Variants in STPG2 observed in about 807,000 individuals in gnomAD.
STPG2 encodes the protein sperm tail PG-rich repeat containing 2, also known as sperm-tail PG-rich repeat-containing protein 2.
STPG2 carries 56 observed loss-of-function variants against 54.2 expected under a neutral mutation model. The observed-to-expected ratio is 1.03, with a 90% CI of 0.83 to 1.29. The LOEUF (loss-of-function observed/expected upper bound fraction) is 1.29, where lower values mean the gene tolerates loss of function less well. Ranked by LOEUF, STPG2 falls within the 50% of genes most tolerant of loss-of-function variation. The pLI, the probability that STPG2 is intolerant of heterozygous loss-of-function variation, is 0.00. For synonymous variants in STPG2, 200 were observed against 181.8 expected (o/e 1.10, Z -0.81); for missense variants, 596 against 544.9 (o/e 1.09, Z -0.93).
chr4:97,904,438 C>A (rs1165442633), intron 8 of STPG2, among the ~76,000 whole-genome samples: 1 of 152,128 alleles, frequency 6.6e-6, no homozygotes, highest in African/African-American at 2.4e-5. Flanking sequence ...GATATCCACA[C>A]CAAAAACCCA....
chr4:98,072,276 G>C (rs1578831591), intron 5 of STPG2, among the ~76,000 whole-genome samples: 1 of 152,270 alleles, frequency 6.6e-6, no homozygotes, highest in South Asian at 2.1e-4. Context: ...AATGGAGCTG[G>C]AAGCCATTAT....
chr4:97,684,441 C>T (rs150853574), intron 10 of STPG2, among the ~76,000 whole-genome samples: 231 of 151,984 alleles, frequency 1.5e-3, no homozygotes, highest in African/African-American at 5.4e-3. Flanking sequence ...CAAGTACAGC[C>T]AACTGATCTT....
chr4:97,550,862 G>T (rs141414990), intron 4 of STPG2, among the ~76,000 whole-genome samples: 327 of 152,080 alleles, frequency 2.2e-3, no homozygotes, highest in African/African-American at 7.7e-3. Flanking sequence ...TTTTCCTCCC[G>T]GTGGGTTTGT....
chr4:97,978,988 T>C (rs1052689059), intron 6 of STPG2, among the ~76,000 whole-genome samples: 7 of 152,130 alleles, frequency 4.6e-5, no homozygotes, highest in South Asian at 4.1e-4. Context: ...AAAAACATAA[T>C]AGCCTCAAAG....
intron 6 of STPG2, among the ~76,000 whole-genome samples, chr4:97,973,524 G>C (rs1214772409): frequency 2.0e-5 from 3 of 152,212 alleles, no homozygotes; most frequent in Non-Finnish European, 2.9e-5. Flanking sequence ...ATTTGCATAA[G>C]TAATGAGGAG....
At chr4:97,717,282 C>A (rs1045430183) in intron 9 of STPG2, among the ~76,000 whole-genome samples, 4 of 152,120 alleles carry the variant, frequency 2.6e-5, no homozygotes, top group African/African-American at 9.7e-5. Context: ...AAGGGTATTT[C>A]ATATTTTAAG....
At chr4:98,084,041 G>C (rs1281816264) in intron 5 of STPG2, among the ~76,000 whole-genome samples, 2 of 151,946 alleles carry the variant, frequency 1.3e-5, no homozygotes, top group African/African-American at 4.8e-5. Flanking sequence ...TTGTTTGTTT[G>C]TTTGTTTGCA....
At chr4:97,988,077 C>A (rs1734883265) in intron 5 of STPG2, among the ~76,000 whole-genome samples, 1 of 151,004 alleles carries the variant, frequency 6.6e-6, no homozygotes, top group East Asian at 1.9e-4. Flanking sequence ...TATTACCTCT[C>A]TAACCTCATC....
At chr4:97,691,591 C>T (rs555599649) in intron 10 of STPG2, among the ~76,000 whole-genome samples, 58 of 152,186 alleles carry the variant, frequency 3.8e-4, no homozygotes, top group African/African-American at 1.2e-3. Flanking sequence ...TTTCTCTACC[C>T]GCCCTGGTAG....
intron 1 of STPG2, among the ~76,000 whole-genome samples, chr4:98,137,061 T>C (rs1247921926): frequency 6.6e-6 from 1 of 151,746 alleles, no homozygotes; most frequent in East Asian, 1.9e-4. Flanking sequence ...AGGCGGAGAT[T>C]GTCAGATTGA....
chr4:97,961,912 G>A (rs1578735159), intron 7 of STPG2, among the ~76,000 whole-genome samples: 1 of 152,264 alleles, frequency 6.6e-6, no homozygotes, highest in Admixed American at 6.5e-5. Context: ...GCACACGCAC[G>A]TTTATAGCAG....
chr4:97,717,921 G>A (rs1384807934), intron 9 of STPG2, among the ~76,000 whole-genome samples: 2 of 152,038 alleles, frequency 1.3e-5, no homozygotes, highest in African/African-American at 2.4e-5. Context: ...CAATTGTCCT[G>A]AAATATTAGT....
At chr4:97,931,981 A>T (rs957136131) in intron 8 of STPG2, among the ~76,000 whole-genome samples, 1 of 152,006 alleles carries the variant, frequency 6.6e-6, no homozygotes, top group Non-Finnish European at 1.5e-5. Context: ...GGGAGGATGT[A>T]TGTGTCCAGG....
At chr4:97,731,428 T>C (rs1724792186) in intron 9 of STPG2, among the ~76,000 whole-genome samples, 1 of 152,158 alleles carries the variant, frequency 6.6e-6, no homozygotes, top group Admixed American at 6.5e-5. Context: ...GCCACGTGCC[T>C]CTTCTGTATT....
intron 9 of STPG2, among the ~76,000 whole-genome samples, chr4:97,828,169 G>T (rs1303445485): frequency 1.3e-5 from 2 of 152,136 alleles, no homozygotes; most frequent in Admixed American, 6.6e-5. Flanking sequence ...GGTGATTTCT[G>T]CATTTCCAAC....
chr4:97,504,148 A>C (rs1001911360), intron 4 of STPG2, among the ~76,000 whole-genome samples: 17 of 144,864 alleles, frequency 1.2e-4, no homozygotes, highest in African/African-American at 4.2e-4. Flanking sequence ...TTAATATTTA[A>C]TAAATAAATA....
Position 97,840,830 on chromosome 4 carries a change from G to A in STPG2, c.1147C>T (p.His383Tyr), listed in dbSNP as rs762045832. ...PPRSLVAKRK[H>Y]ASFLSATPRC... Reference sequence around the variant, plus strand: ...GGAGTTGCACTAAGAAAAGAGGCATGTTTTCTTTTAGCCACTAAACTACGA... The same window carrying A: ...GGAGTTGCACTAAGAAAAGAGGCATATTTTCTTTTAGCCACTAAACTACGA... The change falls in exon 9 of 11, where the codon CAT becomes TAT. Residue 383 changes from histidine to tyrosine, a missense_variant. Transcript: ENST00000295268. 1 of 1,611,846 alleles carries A rather than the reference G, an allele frequency of 6.2e-7. No homozygotes were observed. Among genetic ancestry groups the A allele is most frequent in the Non-Finnish European group, 8.5e-7 (1 of 1,178,594 alleles).
At chr4:97,901,725 C>T (rs772182478) in intron 8 of STPG2, among the ~76,000 whole-genome samples, 2 of 151,630 alleles carry the variant, frequency 1.3e-5, no homozygotes, top group East Asian at 1.9e-4. Flanking sequence ...AGAATTAATA[C>T]TGTCAAAACA....
At position 97,726,409 on chromosome 4, in the gene STPG2, C is replaced by G. The variant is rs139345128; in HGVS notation, c.1205-13595G>C. On this transcript the variant is annotated intron_variant, in intron 9 of 10. Coordinates refer to ENST00000295268, the MANE Select transcript of STPG2 (RefSeq NM_174952.3). ...TGAATGTACTTAATGCCACTGTGTA[C>G]ACTTTAAAATGATTAAGATGGTAAA... Among the ~76,000 whole-genome samples, 470 of 151,948 alleles carry G rather than the reference C, an allele frequency of 3.1e-3. 6 individuals are homozygous for G. The highest frequency in any genetic ancestry group is 0.011 in the African/African-American group (439 of 41,524).
Sources: allele counts gnomAD v4.1 joint callset (sites outside exome capture counted in the v4.1 genomes callset), GRCh38; gene constraint gnomAD v4.1.1; transcripts MANE v1.5; gene names NCBI Gene and HGNC (gene_info 2026-07-23, HGNC 2026-07-21).